Variants in DOCK1 observed in about 807,000 individuals in gnomAD.
The protein encoded by DOCK1 is dedicator of cytokinesis protein 1.
Under a neutral mutation model 262.7 loss-of-function variants are expected in DOCK1, and 138 were observed. The observed-to-expected ratio is 0.53, with a 90% CI of 0.46 to 0.61. The LOEUF (loss-of-function observed/expected upper bound fraction) is 0.61. Ranked by LOEUF, DOCK1 falls within the 20% of genes least tolerant of loss-of-function variation. The probability of loss-of-function intolerance (pLI) is 0.00; values close to 1 mark genes in which losing one functional copy is unlikely to be tolerated. For synonymous variants in DOCK1, 866 were observed against 867.4 expected (o/e 1.00, Z 0.03); for missense variants, 1,908 against 2,370.7 (o/e 0.80, Z 4.05).
intron 4 of DOCK1, among the ~76,000 whole-genome samples, chr10:126,982,388 C>T (rs776098393): frequency 1.3e-5 from 2 of 152,118 alleles, no homozygotes; most frequent in Non-Finnish European, 2.9e-5. Context: ...TAAATTGGGA[C>T]ATGCAGGAGT....
chr10:127,225,170 C>T (rs114269755), intron 27 of DOCK1, among the ~76,000 whole-genome samples: 2,018 of 152,298 alleles, frequency 0.013, 51 homozygotes, highest in African/African-American at 0.046. Flanking sequence ...ATGAGAAGGA[C>T]AAGAATTGTG....
chr10:127,054,427 C>G (rs114048513), intron 22 of DOCK1, among the ~76,000 whole-genome samples: 1,865 of 152,244 alleles, frequency 0.012, 29 homozygotes, highest in African/African-American at 0.034. Context: ...TTGTCCTTGA[C>G]TTAGATATTA....
chr10:127,439,747 T>A (rs995966319), intron 49 of DOCK1, among the ~76,000 whole-genome samples: 7 of 152,138 alleles, frequency 4.6e-5, no homozygotes, highest in Admixed American at 3.9e-4. Flanking sequence ...CTGCTCCACC[T>A]TTAAATCTCC....
intron 38 of DOCK1, among the ~76,000 whole-genome samples, chr10:127,387,627 G>T (rs1296775426): frequency 6.6e-6 from 1 of 152,154 alleles, no homozygotes; most frequent in Non-Finnish European, 1.5e-5. Context: ...TTCCCCAGTA[G>T]GCTCTGAGCT....
intron 46 of DOCK1, among the ~76,000 whole-genome samples, chr10:127,422,703 G>C (rs912025192): frequency 6.6e-6 from 1 of 152,114 alleles, no homozygotes; most frequent in African/African-American, 2.4e-5. Flanking sequence ...GTCTCCCTCT[G>C]TAACTAAAAA....
At chr10:127,004,770 CCA>C (rs1271761997) in intron 10 of DOCK1, among the ~76,000 whole-genome samples, 3 of 50,206 alleles carry the variant, frequency 6.0e-5, no homozygotes, top group Non-Finnish European at 9.1e-5. Flanking sequence ...CCCTGCCCCG[CCA>C]CCCCCCCGCC....
In DOCK1 at chr10:127,427,162, A is replaced by G. The variant is rs1012569674; in HGVS notation, c.4914+1151A>G. On this transcript the variant is annotated intron_variant, in intron 47 of 51. Coordinates refer to ENST00000623213, the MANE Select transcript of DOCK1 (RefSeq NM_001290223.2). ...AGAAGCAGGGAGCTCTCTTCTGTCTACTGGAATTCCATGCCTGCCGGCACT... is the reference window on the plus strand; with the variant it reads ...AGAAGCAGGGAGCTCTCTTCTGTCTGCTGGAATTCCATGCCTGCCGGCACT... Among the ~76,000 whole-genome samples the G allele has an allele frequency of 3.3e-5, 5 of 152,174 alleles. No homozygotes were observed. In the East Asian group the frequency reaches 5.8e-4, roughly 18 times the overall value.
At chr10:127,412,883 C>G (rs1437318608) in intron 43 of DOCK1, among the ~76,000 whole-genome samples, 1 of 152,214 alleles carries the variant, frequency 6.6e-6, no homozygotes, top group Non-Finnish European at 1.5e-5. Flanking sequence ...TCCCAGCAGG[C>G]TGGTTGTTTG....
At chr10:127,235,234 C>A (rs1215531339) in intron 27 of DOCK1, among the ~76,000 whole-genome samples, 1 of 151,858 alleles carries the variant, frequency 6.6e-6, no homozygotes, top group African/African-American at 2.4e-5. Flanking sequence ...TTTTGACAGA[C>A]AATACAGTTG....
intron 27 of DOCK1, chr10:127,196,023 G>A (rs937361474): frequency 6.6e-6 from 1 of 152,126 alleles, no homozygotes; most frequent in Non-Finnish European, 1.5e-5. Context: ...ATAAGTCGAG[G>A]TCGATGCAGC....
intron 18 of DOCK1, among the ~76,000 whole-genome samples, chr10:127,034,387 C>T (rs2043446825): frequency 1.3e-5 from 2 of 152,128 alleles, no homozygotes; most frequent in African/African-American, 4.8e-5. Context: ...CTCATGAGAA[C>T]AGCACAGGAA....
At chr10:127,377,765 G>A (rs998274257) in intron 35 of DOCK1, among the ~76,000 whole-genome samples, 22 of 151,884 alleles carry the variant, frequency 1.4e-4, no homozygotes, top group African/African-American at 4.8e-4. Flanking sequence ...GGTGTTGGGT[G>A]CCTGTAATCC....
At chr10:127,239,885 C>T (rs1447967598) in intron 27 of DOCK1, among the ~76,000 whole-genome samples, 1 of 152,034 alleles carries the variant, frequency 6.6e-6, no homozygotes, top group Non-Finnish European at 1.5e-5. Flanking sequence ...CCTCATTACA[C>T]CATAAACTAT....
At chr10:127,353,939 C>T (rs2064012156) in intron 31 of DOCK1, among the ~76,000 whole-genome samples, 1 of 152,136 alleles carries the variant, frequency 6.6e-6, no homozygotes, top group South Asian at 2.1e-4. Context: ...AGAGCAGGCT[C>T]GATGACACAG....
intron 1 of DOCK1, among the ~76,000 whole-genome samples, chr10:126,931,836 T>G (rs2034213218): frequency 6.6e-6 from 1 of 152,142 alleles, no homozygotes; most frequent in Non-Finnish European, 1.5e-5. Context: ...GCAGAGTCAC[T>G]GGAAAGTGCT....
intron 27 of DOCK1, among the ~76,000 whole-genome samples, chr10:127,192,383 A>G (rs1212183744): frequency 6.6e-6 from 1 of 152,242 alleles, no homozygotes; most frequent in Non-Finnish European, 1.5e-5. Flanking sequence ...GCTGTTCTAC[A>G]TTCAAGTTAA....
chr10:127,285,935 C>T (rs529209907), intron 29 of DOCK1, among the ~76,000 whole-genome samples: 3 of 152,186 alleles, frequency 2.0e-5, no homozygotes, highest in South Asian at 2.1e-4. Context: ...TGGGCTATCA[C>T]GAGCCTGAGG....
At chr10:126,910,867 A>ATC (rs2031663657) in intron 1 of DOCK1, among the ~76,000 whole-genome samples, 2 of 152,132 alleles carry the variant, frequency 1.3e-5, no homozygotes, top group Admixed American at 1.3e-4. Flanking sequence ...TTCACTCAGT[A>ATC]TCTCTCTCTG....
chr10:127,349,210 C>T (rs2063772912), intron 31 of DOCK1, among the ~76,000 whole-genome samples: 1 of 152,024 alleles, frequency 6.6e-6, no homozygotes, highest in African/African-American at 2.4e-5. Context: ...CTTTCCCCAC[C>T]TCCCACCCAC....
Sources: gnomAD v4.1 joint callset for allele counts (sites outside exome capture counted in the v4.1 genomes callset) on GRCh38, gnomAD v4.1.1 for gene constraint, MANE v1.5 for transcripts, NCBI Gene and HGNC (gene_info 2026-07-23, HGNC 2026-07-21) for gene names.